Variants in FRMD3 observed in about 807,000 individuals in gnomAD.
FRMD3 encodes FERM domain containing 3.
Under a neutral mutation model 70.2 loss-of-function variants are expected in FRMD3, and 33 were observed. The observed-to-expected ratio is 0.47, with a 90% CI of 0.36 to 0.63. FRMD3 has a LOEUF of 0.63. Among genes scored for constraint, FRMD3 ranks in the 20% least tolerant of loss-of-function variants. The pLI, the probability that FRMD3 is intolerant of heterozygous loss-of-function variation, is 0.00. For synonymous variants in FRMD3, 279 were observed against 255.9 expected, an observed-to-expected ratio of 1.09 and a Z score of -0.86; for missense variants, 632 against 711.4, an observed-to-expected ratio of 0.89 and a Z score of 1.27.
rs909555143 is a variant in FRMD3, at chr9:83,310,349, A to G, written c.837+136T>C. 9.4e-6 allele frequency: 7 copies of G among 742,132 alleles called. No individual in the cohort carries two copies. The African/African-American group carries it at 1.3e-4, about 13-fold the overall frequency. 46.0% of individuals were successfully genotyped at this position (742,132 alleles called of 1,614,324 possible). A position where few individuals can be genotyped will look rare whatever the true frequency, so the allele number is the denominator to read the frequency against. ...ATTTGTTTGCCTCTAAAATATTTTT[A>G]GCATATAGCTTTCATTATCACCATA... On this transcript the variant is annotated intron_variant, in intron 9 of 13. Coordinates refer to ENST00000304195, the MANE Select transcript of FRMD3 (RefSeq NM_174938.6).
At chr9:83,266,970 A>C in intron 13 of FRMD3, 1 of 1,537,092 alleles carries the variant, frequency 6.5e-7, no homozygotes. Flanking sequence ...GGAAGCCCGC[A>C]CACTTCAGGA....
intron 12 of FRMD3, chr9:83,297,763 A>T (rs1564001571): frequency 2.1e-6 from 1 of 471,828 alleles, no homozygotes; most frequent in East Asian, 6.9e-5. Context: ...CTTTCACATT[A>T]CAGCTCCTCA....
chr9:83,529,349 G>A (rs902504376), intron 1 of FRMD3, among the ~76,000 whole-genome samples: 3 of 152,200 alleles, frequency 2.0e-5, no homozygotes, highest in Admixed American at 6.5e-5. Context: ...AAATATGGGA[G>A]TAGCTGTTAA....
intron 13 of FRMD3, among the ~76,000 whole-genome samples, chr9:83,277,935 T>C (rs1012693790): frequency 1.3e-5 from 2 of 152,106 alleles, no homozygotes; most frequent in African/African-American, 2.4e-5. Flanking sequence ...GAGCTGGTGT[T>C]TTAGTTAGGG....
chr9:83,324,933 T>G (rs558806873), intron 6 of FRMD3, among the ~76,000 whole-genome samples: 2 of 152,324 alleles, frequency 1.3e-5, no homozygotes, highest in South Asian at 4.1e-4. Flanking sequence ...CAATATCTTA[T>G]GGTCAAGAGC....
the FRMD3 span, among the ~76,000 whole-genome samples, chr9:83,584,522 T>C: frequency 6.6e-6 from 1 of 152,100 alleles, no homozygotes; most frequent in African/African-American, 2.4e-5. Context: ...GAAGGGGGTG[T>C]TGGTATTGTC....
At chr9:83,359,914 T>C (rs1284637489) in intron 3 of FRMD3, among the ~76,000 whole-genome samples, 1 of 152,110 alleles carries the variant, frequency 6.6e-6, no homozygotes, top group East Asian at 1.9e-4. Context: ...TGCATAGGAA[T>C]TATTGTTACT....
upstream of FRMD3, among the ~76,000 whole-genome samples, chr9:83,540,286 CCA>C (rs1277705026): frequency 7.9e-5 from 12 of 152,098 alleles, no homozygotes; most frequent in Admixed American, 1.3e-4. Flanking sequence ...TCTTTTAAGA[CCA>C]CACACACACT....
intron 1 of FRMD3, among the ~76,000 whole-genome samples, chr9:83,498,956 C>T (rs1436718072): frequency 1.3e-5 from 2 of 152,060 alleles, no homozygotes; most frequent in African/African-American, 4.8e-5. Context: ...TTCAGGCTTT[C>T]GAGATGAGGC....
At chr9:83,436,035 G>A (rs4877762) in intron 1 of FRMD3, among the ~76,000 whole-genome samples, 87,109 of 151,912 alleles carry the variant, frequency 0.57, 26,129 homozygotes, top group African/African-American at 0.77. Context: ...AGGAATCAGA[G>A]GCAGGAAAAT....
Position 83,362,733 on chromosome 9 carries a change from TTCCTTCCTTCCTTCTC to T in FRMD3, c.295+10164_295+10179del, listed in dbSNP as rs1322808212. On this transcript the variant is annotated intron_variant, in intron 3 of 13. Transcript: ENST00000304195. ...CATGCTTAATGCATATGCATCCTGC[TTCCTTCCTTCCTTCTC>T]TCCTTCCTTCCTTCTCTCCTTCCTT... 1.6e-3 allele frequency among the ~76,000 whole-genome samples: 237 copies of T among 149,876 alleles called. 2 individuals carry two copies. The highest frequency in any genetic ancestry group is 5.6e-3 in the African/African-American group (219 of 39,378).
intron 1 of FRMD3, among the ~76,000 whole-genome samples, chr9:83,444,152 C>T (rs1413486028): frequency 6.6e-6 from 1 of 152,230 alleles, no homozygotes; most frequent in Non-Finnish European, 1.5e-5. Context: ...CCTGTGATGA[C>T]AAGCATGACT....
In FRMD3 at chr9:83,355,211, A is replaced by C. The variant is rs1469992289; in HGVS notation, c.296-5454T>G. ...GTGTTCTTATTCTTAAATTACAGGG[A>C]AAGGGGAATGACGTAAAGAAAGATC... On this transcript the variant is annotated intron_variant, in intron 3 of 13. Transcript: ENST00000304195. 2.0e-5 allele frequency among the ~76,000 whole-genome samples: 3 copies of C among 152,352 alleles called. No individual in the cohort carries two copies. The East Asian group carries it at 5.8e-4, about 29-fold the overall frequency.
chr9:83,500,287 A>T (rs751204969), intron 1 of FRMD3, among the ~76,000 whole-genome samples: 1 of 151,882 alleles, frequency 6.6e-6, no homozygotes, highest in Non-Finnish European at 1.5e-5. Context: ...AATTACAACA[A>T]ATGTATCACA....
At chr9:83,381,345 A>G (rs1434828226) in intron 2 of FRMD3, among the ~76,000 whole-genome samples, 2 of 152,212 alleles carry the variant, frequency 1.3e-5, no homozygotes, top group African/African-American at 4.8e-5. Context: ...ACCTGAGGTC[A>G]GGAGATCGAG....
the FRMD3 span, among the ~76,000 whole-genome samples, chr9:83,572,395 G>T: frequency 6.6e-6 from 1 of 152,290 alleles, no homozygotes; most frequent in Middle Eastern, 3.4e-3. Flanking sequence ...TTAATAACTA[G>T]AGGGAAAGTA....
In FRMD3 at chr9:83,290,222, G is replaced by C. The variant is rs193223640; in HGVS notation, c.1195+381C>G. Among the ~76,000 whole-genome samples, 316 of 152,290 alleles carry C rather than the reference G, an allele frequency of 2.1e-3. 1 individual carries two copies. Among genetic ancestry groups the C allele is most frequent in the African/African-American group, 7.3e-3 (303 of 41,570 alleles). On this transcript the variant is annotated intron_variant, in intron 13 of 13. Transcript: ENST00000304195. ...AATATGGCAGCCACCAGCCACATGT[G>C]GCTATTGAGCACTGAGAATCTGGCT...
At chr9:83,564,815 C>T in the FRMD3 span, among the ~76,000 whole-genome samples, 43 of 152,284 alleles carry the variant, frequency 2.8e-4, no homozygotes, top group African/African-American at 8.2e-4. Context: ...GGAACCTGTA[C>T]GACGTGCATC....
At chr9:83,436,457 G>GGTGTGTGTGTGTGTGTGTGT (rs1380086821) in intron 1 of FRMD3, among the ~76,000 whole-genome samples, 2 of 108,224 alleles carry the variant, frequency 1.8e-5, no homozygotes, top group African/African-American at 9.7e-5. Context: ...TAATTAATAA[G>GGTGTGTGTGTGTGTGTGTGT]ATGTGTGTGT....
Sources: gnomAD v4.1 joint callset for allele counts (sites outside exome capture counted in the v4.1 genomes callset) on GRCh38, gnomAD v4.1.1 for gene constraint, MANE v1.5 for transcripts, NCBI Gene and HGNC (gene_info 2026-07-23, HGNC 2026-07-21) for gene names.